MUC3A: variants seen among roughly 807,000 people sequenced by gnomAD.
MUC3A encodes mucin 3A, cell surface associated, also known as mucin-3A.
In MUC3A, 109 loss-of-function variants were observed where a neutral mutation model predicts 109.0. The ratio of observed to expected loss-of-function variants is 1.00; its 90% confidence interval spans 0.86 to 1.17. The LOEUF is 1.17. Ranked by LOEUF, MUC3A falls within the 50% of genes most tolerant of loss-of-function variation. MUC3A has a pLI of 0.00. For missense variants in MUC3A, 3,537 were observed against 2,469.4 expected (o/e 1.43, Z -9.16); for synonymous variants, 1,398 against 981.4 (o/e 1.42, Z -7.93).
At chr7:100,964,400 C>T in intron 5 of MUC3A, 1 of 401,240 alleles carries the variant, frequency 2.5e-6, no homozygotes, top group Non-Finnish European at 4.4e-6. Context: ...TTGGAGGCTG[C>T]AGTGAGCTAC....
chr7:100,958,043 C>G lies in MUC3A; in HGVS notation c.6264C>G (p.His2088Gln), dbSNP rs2116183764. Residue 2088 changes from histidine (H) to glutamine (Q), a missense_variant, in exon 2 of 12, where the codon CAC becomes CAG. Coordinates refer to ENST00000379458, the MANE Select transcript of MUC3A (RefSeq NM_005960.2). ...TCACCACCACCGAGACCCCCTCACACAGTACTCTCAGCTTCACTTCTTCAA... is the reference window on the plus strand; with the variant it reads ...TCACCACCACCGAGACCCCCTCACAGAGTACTCTCAGCTTCACTTCTTCAA... Reference protein sequence around the residue: ...TSITTTETPSHSTLSFTSSIT... With the variant: ...TSITTTETPSQSTLSFTSSIT... 3.4e-6 allele frequency: 4 copies of G among 1,175,038 alleles called. No homozygotes were observed. The East Asian group carries it at 7.3e-5, about 21-fold the overall frequency. 72.8% of individuals were successfully genotyped at this position (1,175,038 alleles called of 1,614,324 possible).
chr7:100,951,717 T>A (rs1791948146), intron 1 of MUC3A, 124 bp from the exon 2 acceptor site: 1 of 1,432,226 alleles, frequency 7.0e-7, no homozygotes. Context: ...AGGAGTCAGC[T>A]GTAATATGCC....
chr7:100,956,122 C>T lies in MUC3A; in HGVS notation c.4343C>T (p.Thr1448Ile). ...NTNPVSTLVT[T>I]LPITITRSTL... ...AATCCTGTATCCACGTTGGTGACTA[C>T]ACTCCCCATTACCATCACCAGGTCT... The change falls in exon 2 of 12, where the codon ACA (threonine) becomes ATA (isoleucine). Residue 1448 changes from threonine to isoleucine, a missense_variant. Thr to Ile is a moderately conservative substitution (Grantham distance 89). Coordinates refer to ENST00000379458, the MANE Select transcript of MUC3A (RefSeq NM_005960.2). 4.5e-6 allele frequency: 2 copies of T among 439,960 alleles called. No individual in the cohort carries two copies. Among genetic ancestry groups the T allele is most frequent in the East Asian group, 3.5e-5 (1 of 28,668 alleles). The allele number at this position is 439,960 out of a possible 1,614,324, so 27.3% of individuals were successfully genotyped here. A position where few individuals can be genotyped will look rare whatever the true frequency, so the allele number is the denominator to read the frequency against.
At chr7:100,966,269 A>ACCCCCAAGCTTGCCCTAGGGTGGAAC in intron 8 of MUC3A, 117 bp from the exon 9 acceptor site, 1 of 984,758 alleles carries the variant, frequency 1.0e-6, no homozygotes, top group Non-Finnish European at 1.3e-6. Flanking sequence ...CTAGGGTGGA[A>ACCCCCAAGCTTGCCCTAGGGTGGAAC]CCCCCCGCTG....
chr7:100,954,742 C>T lies in MUC3A; in HGVS notation c.2963C>T (p.Thr988Ile), dbSNP rs1208507611. Residue 988 changes from threonine to isoleucine, a missense_variant, in exon 2 of 12, where the codon ACA becomes ATA. Physicochemically the swap from Thr to Ile is moderately conservative, Grantham distance 89 (BLOSUM62 -1). Transcript: ENST00000379458. ...SSTATFPETTTLTPTTDISTV... is the reference protein window; with the variant it reads ...SSTATFPETTILTPTTDISTV... ...ACAGCCACATTCCCTGAGACCACTA[C>T]ACTGACTCCTACAACTGACATTTCT... 2.0e-5 allele frequency: 8 copies of T among 401,828 alleles called. No homozygotes were observed. The highest frequency in any genetic ancestry group is 1.0e-4 in the African/African-American group (5 of 48,648). 24.9% of individuals were successfully genotyped at this position (401,828 alleles called of 1,614,324 possible).
rs1411744881 is a variant in MUC3A at position 100,959,909 on chromosome 7, T to C, written c.8130T>C (p.Val2710=). 6.5e-7 allele frequency: 1 copy of C among 1,527,664 alleles called. No individual in the cohort carries two copies. Among genetic ancestry groups the C allele is most frequent in the Non-Finnish European group, 8.7e-7 (1 of 1,147,646 alleles). 94.6% of individuals were successfully genotyped at this position (1,527,664 alleles called of 1,614,324 possible). The change falls in exon 2 of 12, where the codon GTT becomes GTC. Residue 2710 remains valine (V), a synonymous_variant. Transcript: ENST00000379458. ...TPVFSTTIHS[V]PSSPYIFSTE... ...TGTTTTCCACTACCATTCATTCTGT[T>C]CCTTCTTCACCATACATTTTCAGTA...
At position 100,967,761 on chromosome 7, in the gene MUC3A, C is replaced by T. The variant is rs200517229; in HGVS notation, c.*599C>T. 7.2e-3 allele frequency: 1,334 copies of T among 184,156 alleles called. No homozygotes were observed. The highest frequency in any genetic ancestry group is 0.029 in the African/African-American group (1,209 of 41,452). The allele number at this position is 184,156 out of a possible 1,614,324, so 11.4% of individuals were successfully genotyped here. A position where few individuals can be genotyped will look rare whatever the true frequency, so the allele number is the denominator to read the frequency against. ...CCCCGTTCCTTCATCCATCCTGCAC[C>T]CCAGTCCCCCAGCCCTAAATCCTCC... On this transcript the variant is annotated 3_prime_UTR_variant, in exon 12 of 12. Coordinates refer to ENST00000379458, the MANE Select transcript of MUC3A (RefSeq NM_005960.2).
Position 100,952,453 on chromosome 7 carries a change from C to T in MUC3A, c.674C>T (p.Thr225Ile), listed in dbSNP as rs770561798. Residue 225 changes from threonine to isoleucine, a missense_variant, in exon 2 of 12, where the codon ACC becomes ATC. Coordinates refer to ENST00000379458, the MANE Select transcript of MUC3A (RefSeq NM_005960.2). ...FHTTISSTTR[T>I]TERTPLPTGS... ...ACTACAATCTCGTCTACAACTAGAACCACAGAAAGGACTCCCCTGCCCACT... is the reference window on the plus strand; with the variant it reads ...ACTACAATCTCGTCTACAACTAGAATCACAGAAAGGACTCCCCTGCCCACT... The T allele has an allele frequency of 1.9e-6, 3 of 1,598,590 alleles. No individual in the cohort carries two copies. The highest frequency in any genetic ancestry group is 2.2e-5 in the East Asian group (1 of 44,892).
At position 100,951,981 on chromosome 7, in the gene MUC3A, C is replaced by G. The variant is rs764228766; in HGVS notation, c.202C>G (p.Pro68Ala). Residue 68 changes from proline to alanine, a missense_variant, in exon 2 of 12, where the codon CCT (proline) becomes GCT (alanine). Transcript: ENST00000379458. ...LGVPQLASPA[P>A]GHRENAPMTL... Reference sequence around the variant, plus strand: ...TGTCCCCCAGCTCGCCTCTCCTGCTCCTGGCCACAGGGAAAATGCACCTAT... The same window carrying G: ...TGTCCCCCAGCTCGCCTCTCCTGCTGCTGGCCACAGGGAAAATGCACCTAT... 6.3e-7 allele frequency: 1 copy of G among 1,598,544 alleles called. No individual in the cohort carries two copies. Among genetic ancestry groups the G allele is most frequent in the African/African-American group, 1.3e-5 (1 of 74,956 alleles).
In MUC3A at chr7:100,956,847, C is replaced by A; in HGVS notation, c.5068C>A (p.Leu1690Ile). ...CTCACCCCCAGCCATCACCAGTACA[C>A]TCCACACAACAGCTGAATCCACCCC... ...ISSPPAITST[L>I]HTTAESTPSP... Residue 1690 changes from leucine (L) to isoleucine (I), a missense_variant, in exon 2 of 12, where the codon CTC becomes ATC. Transcript: ENST00000379458. The A allele has an allele frequency of 2.4e-6, 1 of 415,682 alleles. No homozygotes were observed. The highest frequency in any genetic ancestry group is 4.2e-6 in the Non-Finnish European group (1 of 237,870). The allele number at this position is 415,682 out of a possible 1,614,324, so 25.7% of individuals were successfully genotyped here. A position where few individuals can be genotyped will look rare whatever the true frequency, so the allele number is the denominator to read the frequency against.
intron 4 of MUC3A, 36 bp downstream of exon 4, chr7:100,963,302 T>C: frequency 6.8e-7 from 1 of 1,460,756 alleles, no homozygotes; most frequent in Non-Finnish European, 9.2e-7. Context: ...TTTTTTTTTT[T>C]TGAGGTGTAG....
At chr7:100,963,793 G>C in intron 5 of MUC3A, 41 bp downstream of exon 5, 1 of 1,597,838 alleles carries the variant, frequency 6.3e-7, no homozygotes, top group Non-Finnish European at 8.5e-7. Context: ...GTGTTGGGTG[G>C]GGGAAATGTG....
chr7:100,965,935 ATGCTCCGCCCC>A, intron 8 of MUC3A, 69 bp downstream of exon 8: 2 of 1,504,764 alleles, frequency 1.3e-6, no homozygotes, highest in Non-Finnish European at 8.8e-7. Context: ...GCCCTGCCCC[ATGCTCCGCCCC>A]GGCTCCGCGC....
At position 100,967,638 on chromosome 7, in the gene MUC3A, G is replaced by A. The variant is rs1207642785; in HGVS notation, c.*476G>A. The A allele has an allele frequency of 3.5e-5, 9 of 256,168 alleles. No homozygotes were observed. The highest frequency in any genetic ancestry group is 6.8e-5 in the Non-Finnish European group (9 of 132,918). The allele number at this position is 256,168 out of a possible 1,614,324, so 15.9% of individuals were successfully genotyped here. A position where few individuals can be genotyped will look rare whatever the true frequency, so the allele number is the denominator to read the frequency against. ...ACTGCCTGTTTCTTACTTTGAACCT[G>A]GAGGCAGCCTGCAGCCCCATCCCAT... On this transcript the variant is annotated 3_prime_UTR_variant, in exon 12 of 12. Coordinates refer to ENST00000379458, the MANE Select transcript of MUC3A (RefSeq NM_005960.2).
chr7:100,966,508 T>A lies in MUC3A; in HGVS notation c.9734T>A (p.Leu3245Gln). The change falls in exon 9 of 12, where the codon CTG becomes CAG. Residue 3245 changes from leucine (L) to glutamine (Q), a missense_variant. Leu to Gln is a moderately radical substitution (Grantham distance 113, BLOSUM62 -2). Transcript: ENST00000379458. ...AALLVLLLLALGVRAVRSGWW... is the reference protein window; with the variant it reads ...AALLVLLLLAQGVRAVRSGWW... ...CTGCTGGTGCTGCTGCTGCTGGCGC[T>A]GGGCGTCCGGGCGGTGCGCTCCGGA... The A allele has an allele frequency of 1.5e-6, 2 of 1,302,570 alleles. No homozygotes were observed. Among genetic ancestry groups the A allele is most frequent in the Non-Finnish European group, 1.9e-6 (2 of 1,034,872 alleles). The allele number at this position is 1,302,570 out of a possible 1,614,324, so 80.7% of individuals were successfully genotyped here. A position where few individuals can be genotyped will look rare whatever the true frequency, so the allele number is the denominator to read the frequency against.
chr7:100,959,195 C>G lies in MUC3A; in HGVS notation c.7416C>G (p.Pro2472=), dbSNP rs374484376. The part of the protein sequence containing the change: ...HFTTSETAVT[P]TPVTPSSLST... ...CTACCTCAGAGACTGCGGTGACTCC[C>G]ACACCTGTAACCCCATCTTCTCTGA... Residue 2472 remains proline (P), a synonymous_variant, in exon 2 of 12, where the codon CCC becomes CCG. Transcript: ENST00000379458. 3.8e-6 allele frequency: 6 copies of G among 1,598,438 alleles called. No individual in the cohort carries two copies. The African/African-American group carries it at 8.0e-5, about 21-fold the overall frequency.
At position 100,960,319 on chromosome 7, in the gene MUC3A, C is replaced by A; in HGVS notation, c.8540C>A (p.Ser2847Tyr). The A allele has an allele frequency of 6.3e-7, 1 of 1,598,544 alleles. No individual in the cohort carries two copies. The highest frequency in any genetic ancestry group is 8.5e-7 in the Non-Finnish European group (1 of 1,179,824). Reference protein sequence around the residue: ...ESESSISPNASSSTGTGTVPT... With the variant: ...ESESSISPNAYSSTGTGTVPT... ...GAGTCCAGCATCTCACCCAATGCTT[C>A]CAGTTCCACTGGCACTGGGACTGTA... is the stretch of plus-strand genomic sequence containing the variant. Residue 2847 changes from serine (S) to tyrosine (Y), a missense_variant, in exon 2 of 12, where the codon TCC becomes TAC. Transcript: ENST00000379458.
rs199829729 is a variant in MUC3A at position 100,959,239 on chromosome 7, C to G, written c.7460C>G (p.Thr2487Arg). 4.7e-4 allele frequency: 755 copies of G among 1,598,026 alleles called. 5 individuals are homozygous for G. Among genetic ancestry groups the G allele is most frequent in the South Asian group, 4.5e-3 (411 of 91,022 alleles). The stretch of plus-strand genomic sequence containing the variant: ...TCTCTGAGTACAGACATCCCGACCA[C>G]AAGCCTACGAACTCTCACCCCTTCG... ...PSSLSTDIPT[T>R]SLRTLTPSSV... is the part of the protein sequence containing the mutation. Residue 2487 changes from threonine to arginine, a missense_variant, in exon 2 of 12, where the codon ACA (threonine) becomes AGA (arginine). Thr to Arg is a moderately conservative substitution (Grantham distance 71). Coordinates refer to ENST00000379458, the MANE Select transcript of MUC3A (RefSeq NM_005960.2).
chr7:100,955,585 C>CAAAGAAGACCT lies in MUC3A; in HGVS notation c.3806_3807insAAAGAAGACCT (p.Asp1270LysfsTer8), dbSNP rs1792076361. On this transcript the variant is annotated frameshift_variant, in exon 2 of 12. Transcript: ENST00000379458. LOFTEE classifies it high-confidence loss of function. ...AGTTTGAGACCAACTATCACAAGTA[C>CAAAGAAGACCT]TGACAGCACTCTAACAAGTTCCCTC... is the stretch of plus-strand genomic sequence containing the variant. 2.2e-5 allele frequency: 11 copies of CAAAGAAGACCT among 496,418 alleles called. No individual in the cohort carries two copies. The highest frequency in any genetic ancestry group is 8.2e-5 in the African/African-American group (4 of 48,616). 30.8% of individuals were successfully genotyped at this position (496,418 alleles called of 1,614,324 possible).
Sources: allele counts gnomAD v4.1 joint callset, GRCh38; gene constraint gnomAD v4.1.1; transcripts MANE v1.5; gene names NCBI Gene and HGNC (gene_info 2026-07-23, HGNC 2026-07-21).